GZMA: variants seen among roughly 807,000 people sequenced by gnomAD.
The protein encoded by GZMA is CTL tryptase.
GZMA carries 17 observed loss-of-function variants against 21.1 expected under a neutral mutation model. The observed-to-expected ratio is 0.81, with a 90% CI of 0.55 to 1.21. The LOEUF (loss-of-function observed/expected upper bound fraction) is 1.21, where lower values mean the gene tolerates loss of function less well. Ranked by LOEUF, GZMA falls within the 50% of genes most tolerant of loss-of-function variation. The probability of loss-of-function intolerance (pLI) is 0.00; values close to 1 mark genes in which losing one functional copy is unlikely to be tolerated. For synonymous variants in GZMA, 90 were observed against 107.8 expected (o/e 0.83, Z 1.03); for missense variants, 306 against 315.9 (o/e 0.97, Z 0.24).
At chr5:55,106,910 G>C (rs1742426871) in intron 2 of GZMA, among the ~76,000 whole-genome samples, 1 of 152,170 alleles carries the variant, frequency 6.6e-6, no homozygotes, top group African/African-American at 2.4e-5. Context: ...GTCCTCAGTA[G>C]CCACATGTGG....
rs1448940337 is a variant in GZMA, at chr5:55,102,659, G to C, written c.-24G>C. 1 of 1,499,390 alleles carries C rather than the reference G, an allele frequency of 6.7e-7. No individual in the cohort carries two copies. The highest frequency in any genetic ancestry group is 1.1e-5 in the South Asian group (1 of 88,790). 92.9% of individuals were successfully genotyped at this position (1,499,390 alleles called of 1,614,324 possible). A position where few individuals can be genotyped will look rare whatever the true frequency, so the allele number is the denominator to read the frequency against. ...AGAACTGAAAACAGATTTTCAGGTT[G>C]ATTGATGTGGGACAGCAGCCACAAT... On this transcript the variant is annotated 5_prime_UTR_variant, in exon 1 of 5. Coordinates refer to ENST00000274306, the MANE Select transcript of GZMA (RefSeq NM_006144.4).
At chr5:55,103,232 T>G (rs1742333972) in intron 1 of GZMA, among the ~76,000 whole-genome samples, 1 of 152,062 alleles carries the variant, frequency 6.6e-6, no homozygotes, top group Admixed American at 6.5e-5. Context: ...GGCAACTTAG[T>G]CAGCTCAGCC....
rs1221649239 is a variant in GZMA at position 55,107,915 on chromosome 5, G to T, written c.337G>T (p.Gly113Cys). ...ATGCTATGACCCAGCCACACGCGAA[G>T]GTGACCTTAAACTTTTACAGGTACG... ...YPCYDPATRE[G>C]DLKLLQLMEK... Residue 113 changes from glycine (G) to cysteine (C), a missense_variant, in exon 3 of 5, where the codon GGT (glycine) becomes TGT (cysteine). Physicochemically the swap from Gly to Cys is radical, Grantham distance 159. Coordinates refer to ENST00000274306, the MANE Select transcript of GZMA (RefSeq NM_006144.4). The T allele has an allele frequency of 3.7e-6, 6 of 1,613,340 alleles. No individual in the cohort carries two copies. The highest frequency in any genetic ancestry group is 5.1e-6 in the Non-Finnish European group (6 of 1,179,412).
chr5:55,110,066 G>T lies in GZMA; in HGVS notation c.673G>T (p.Val225Phe), dbSNP rs1312693127. The T allele has an allele frequency of 5.0e-6, 8 of 1,612,390 alleles. No homozygotes were observed. The African/African-American group carries it at 9.4e-5, about 19-fold the overall frequency. ...PLLCEGVFRGVTSFGLENKCG... is the reference protein window; with the variant it reads ...PLLCEGVFRGFTSFGLENKCG... ...GTTGTGCGAGGGTGTTTTCCGAGGGGTCACTTCCTTTGGCCTTGAAAATAA... is the reference window on the plus strand; with the variant it reads ...GTTGTGCGAGGGTGTTTTCCGAGGGTTCACTTCCTTTGGCCTTGAAAATAA... The change falls in exon 5 of 5, where the codon GTC (valine) becomes TTC (phenylalanine). Residue 225 changes from valine (V) to phenylalanine (F), a missense_variant. By Grantham distance (50) the Val-to-Phe change is conservative. Transcript: ENST00000274306.
intron 4 of GZMA, among the ~76,000 whole-genome samples, chr5:55,108,968 G>A (rs1742460434): frequency 6.6e-6 from 1 of 152,208 alleles, no homozygotes; most frequent in Non-Finnish European, 1.5e-5. Context: ...CCCCTGAGAA[G>A]AGGTGGGATA....
chr5:55,106,458 AAG>A (rs1742420574), intron 2 of GZMA, among the ~76,000 whole-genome samples: 1 of 152,120 alleles, frequency 6.6e-6, no homozygotes, highest in Non-Finnish European at 1.5e-5. Context: ...ACTTGCCACA[AAG>A]AATCAGGCAA....
intron 4 of GZMA, among the ~76,000 whole-genome samples, chr5:55,108,957 C>T (rs570103095): frequency 6.6e-6 from 1 of 152,250 alleles, no homozygotes; most frequent in South Asian, 2.1e-4. Context: ...CATCCTAGAA[C>T]CCCCTGAGAA....
At chr5:55,108,459 T>G in intron 4 of GZMA, 65 bp downstream of exon 4, 1 of 1,335,868 alleles carries the variant, frequency 7.5e-7, no homozygotes, top group Non-Finnish European at 1.0e-6. Flanking sequence ...GAAAATGTAA[T>G]GTCATGCTTT....
At chr5:55,109,967 T>C (rs1363982259) in intron 4 of GZMA, 54 bp from the exon 5 acceptor site, 29 of 1,308,816 alleles carry the variant, frequency 2.2e-5, no homozygotes, top group Non-Finnish European at 2.9e-5. Flanking sequence ...TCCATTTCAC[T>C]AGTGGTAATG....
rs1353675294 is a variant in GZMA, at chr5:55,102,811, A to G, written c.70+59A>G. 4.6e-6 allele frequency: 5 copies of G among 1,084,884 alleles called. No individual in the cohort carries two copies. In the South Asian group the frequency reaches 6.2e-5, roughly 13 times the overall value. 67.2% of individuals were successfully genotyped at this position (1,084,884 alleles called of 1,614,324 possible). A position where few individuals can be genotyped will look rare whatever the true frequency, so the allele number is the denominator to read the frequency against. On this transcript the variant is annotated intron_variant, in intron 1 of 4. Coordinates refer to ENST00000274306, the MANE Select transcript of GZMA (RefSeq NM_006144.4). ...ATGAAGCAAAATGGAGCAGACTTTC[A>G]ATGAACTTTTGGCAATATTACCTTC...
chr5:55,107,499 G>A (rs2111763230), intron 2 of GZMA, among the ~76,000 whole-genome samples: 1 of 152,278 alleles, frequency 6.6e-6, no homozygotes, highest in African/African-American at 2.4e-5. Flanking sequence ...GCAGGGGTAG[G>A]GGGCAGATAA....
chr5:55,110,173 A>T lies in GZMA; in HGVS notation c.780A>T (p.Gly260=), dbSNP rs1203864238. The T allele has an allele frequency of 1.9e-6, 3 of 1,589,350 alleles. No individual in the cohort carries two copies. The highest frequency in any genetic ancestry group is 2.3e-5 in the South Asian group (2 of 86,770). ...ACTGGATAATTATGACTATCAAGGG[A>T]GCAGTTTAAATAACCGTTTCCTTTC... ...HLNWIIMTIK[G]AV is the part of the protein sequence containing the mutation. Residue 260 remains glycine, a synonymous_variant, in exon 5 of 5, where the codon GGA becomes GGT. Coordinates refer to ENST00000274306, the MANE Select transcript of GZMA (RefSeq NM_006144.4).
intron 3 of GZMA, 38 bp from the exon 4 acceptor site, chr5:55,108,087 T>A: frequency 1.3e-6 from 2 of 1,495,214 alleles, no homozygotes; most frequent in South Asian, 2.3e-5. Context: ...TAAATATTTA[T>A]CTTATCCCAT....
intron 1 of GZMA, among the ~76,000 whole-genome samples, chr5:55,105,096 ATAGT>A (rs945405034): frequency 1.3e-5 from 2 of 152,206 alleles, no homozygotes; most frequent in African/African-American, 4.8e-5. Flanking sequence ...CCCCAAATTA[ATAGT>A]TAGCCAAAAA....
At position 55,108,724 on chromosome 5, in the gene GZMA, A is replaced by G. The variant is rs547707031; in HGVS notation, c.627+330A>G. ...CTTGAAGATATACAACACTTATGAG[A>G]GCTGAAGTCAGGGTTCCTCAAGGCC... On this transcript the variant is annotated intron_variant, in intron 4 of 4. Coordinates refer to ENST00000274306, the MANE Select transcript of GZMA (RefSeq NM_006144.4). Among the ~76,000 whole-genome samples the G allele has an allele frequency of 1.8e-3, 278 of 152,296 alleles. 1 individual carries two copies. Among genetic ancestry groups the G allele is most frequent in the African/African-American group, 6.1e-3 (253 of 41,562 alleles).
At chr5:55,108,783 C>G (rs1172889423) in intron 4 of GZMA, among the ~76,000 whole-genome samples, 1 of 152,154 alleles carries the variant, frequency 6.6e-6, no homozygotes, top group Non-Finnish European at 1.5e-5. Flanking sequence ...AGTACATTCC[C>G]TCTCCTTCCC....
chr5:55,103,789 C>T (rs546396178), intron 1 of GZMA, among the ~76,000 whole-genome samples: 1 of 152,046 alleles, frequency 6.6e-6, no homozygotes, highest in East Asian at 1.9e-4. Flanking sequence ...GGGTGTTTCA[C>T]AAGGTCAAGA....
At chr5:55,107,720 AAACTG>A in intron 2 of GZMA, 69 bp from the exon 3 acceptor site, 2 of 1,110,822 alleles carry the variant, frequency 1.8e-6, no homozygotes, top group East Asian at 4.9e-5. Flanking sequence ...TGGGACAATG[AAACTG>A]ATCAGTATAT....
chr5:55,108,263 C>G lies in GZMA; in HGVS notation c.496C>G (p.Leu166Val). Reference sequence around the variant, plus strand: ...CAATAGTGCATCTTGGTCCGATACTCTGAGAGAAGTCAATATCACCATCAT... The same window carrying G: ...CAATAGTGCATCTTGGTCCGATACTGTGAGAGAAGTCAATATCACCATCAT... Reference protein sequence around the residue: ...THNSASWSDTLREVNITIIDR... With the variant: ...THNSASWSDTVREVNITIIDR... Residue 166 changes from leucine to valine, a missense_variant, in exon 4 of 5, where the codon CTG becomes GTG. Coordinates refer to ENST00000274306, the MANE Select transcript of GZMA (RefSeq NM_006144.4). 2 of 1,613,958 alleles carry G rather than the reference C, an allele frequency of 1.2e-6. No individual in the cohort carries two copies. Among genetic ancestry groups the G allele is most frequent in the Non-Finnish European group, 8.5e-7 (1 of 1,179,900 alleles).
Sources: allele counts gnomAD v4.1 joint callset (sites outside exome capture counted in the v4.1 genomes callset), GRCh38; gene constraint gnomAD v4.1.1; transcripts MANE v1.5; gene names NCBI Gene and HGNC (gene_info 2026-07-23, HGNC 2026-07-21).